The following UBR4 variants were observed in gnomAD, a reference collection of about 807,000 sequenced individuals.
UBR4 encodes ubiquitin protein ligase E3 component n-recognin 4, also known as E3 ubiquitin-protein ligase UBR4.
UBR4 carries 124 observed loss-of-function variants against 575.6 expected under a neutral mutation model. That is an observed-to-expected ratio of 0.22 (90% CI 0.19 to 0.25). UBR4 has a LOEUF of 0.25. Ranked by LOEUF, UBR4 falls within the 10% of genes least tolerant of loss-of-function variation. UBR4 has a pLI of 1.00. For missense variants in UBR4, 4,818 were observed against 6,478.8 expected (o/e 0.74, Z 8.80); for synonymous variants, 2,455 against 2,473.7 (o/e 0.99, Z 0.22).
rs771010424 is a variant in UBR4, at chr1:19,117,231, A to G, written c.10813T>C (p.Leu3605=). Residue 3605 remains leucine, a synonymous_variant, in exon 73 of 106, where the codon TTG becomes CTG. Transcript: ENST00000375254. This position sits in a 1 kb window ranked among gnomAD's most constrained non-coding sequence, Gnocchi z 4.0. ...NNRTVQAIVE[L]KNKPARWHKA... The stretch of plus-strand genomic sequence containing the variant: ...CTAAAAAGCCCGTACTTGTTTTTCA[A>G]CTCCACGATGGCCTGCACGGTTCGG... The G allele has an allele frequency of 6.2e-7, 1 of 1,611,034 alleles. No individual in the cohort carries two copies. The highest frequency in any genetic ancestry group is 8.5e-7 in the Non-Finnish European group (1 of 1,177,838).
intron 59 of UBR4, 64 bp from the exon 60 acceptor site, chr1:19,138,245 C>T: frequency 7.1e-7 from 1 of 1,408,910 alleles, no homozygotes; most frequent in Non-Finnish European, 9.3e-7. Context: ...CCAGTGCATT[C>T]TAAAGCAGCA....
At chr1:19,147,870 G>T (rs1382138987) in intron 51 of UBR4, 123 bp downstream of exon 51, 3 of 1,418,812 alleles carry the variant, frequency 2.1e-6, no homozygotes, top group East Asian at 4.7e-5. Context: ...GTAAAATGTA[G>T]GTCTAATCTG....
At chr1:19,187,595 A>G in intron 11 of UBR4, 55 bp from the exon 12 acceptor site, 4 of 1,569,496 alleles carry the variant, frequency 2.5e-6, no homozygotes, top group Non-Finnish European at 3.5e-6. Context: ...ATAAATTACA[A>G]CTTCTGAAGC....
At chr1:19,165,384 C>A (rs969972188) in intron 30 of UBR4, 35 bp from the exon 31 acceptor site, 1 of 1,531,284 alleles carries the variant, frequency 6.5e-7, no homozygotes, top group Admixed American at 1.7e-5. Flanking sequence ...TGGAAAGAAT[C>A]ACATTAAAGC....
At chr1:19,155,870 AC>A (rs2086371214) in intron 42 of UBR4, among the ~76,000 whole-genome samples, 2 of 152,350 alleles carry the variant, frequency 1.3e-5, no homozygotes, top group South Asian at 4.1e-4. Context: ...TAGGGGACAG[AC>A]ATACATAAAT....
intron 65 of UBR4, 154 bp downstream of exon 65, chr1:19,124,387 G>T: frequency 2.1e-6 from 2 of 952,380 alleles, no homozygotes; most frequent in Non-Finnish European, 3.0e-6. Flanking sequence ...CTACCACACA[G>T]TATGTTCCAG....
chr1:19,112,590 T>A lies in UBR4; in HGVS notation c.11735A>T (p.Tyr3912Phe). The A allele has an allele frequency of 6.2e-7, 1 of 1,614,262 alleles. No homozygotes were observed. Residue 3912 changes from tyrosine to phenylalanine, a missense_variant, in exon 78 of 106, where the codon TAT becomes TTT. By Grantham distance (22) the Tyr-to-Phe change is conservative. Coordinates refer to ENST00000375254, the MANE Select transcript of UBR4 (RefSeq NM_020765.3). Reference sequence around the variant, plus strand: ...GGCCGCAGCCCCTCGGCGAAGATTATAATCAAAGAGCTCCCGGATAAGGCC... The same window carrying A: ...GGCCGCAGCCCCTCGGCGAAGATTAAAATCAAAGAGCTCCCGGATAAGGCC... ...SQGLIRELFD[Y>F]NLRRGAAAMR...
rs1420655583 is a variant in UBR4, at chr1:19,126,517, G to C, written c.9367C>G (p.Gln3123Glu). 1 of 1,614,176 alleles carries C rather than the reference G, an allele frequency of 6.2e-7. No homozygotes were observed. Among genetic ancestry groups the C allele is most frequent in the South Asian group, 1.1e-5 (1 of 91,082 alleles). ...GAGGTAGTATGTGGTTTCAGCAACT[G>C]GCTGGTAGCCACAGGCTCCTCGTCA... Reference protein sequence around the residue: ...QNDEEPVATSQLLKPHTTSSP... With the variant: ...QNDEEPVATSELLKPHTTSSP... The change falls in exon 64 of 106, where the codon CAG (glutamine) becomes GAG (glutamate). Residue 3123 changes from glutamine (Q) to glutamate (E), a missense_variant. This residue lies in a region of UBR4 where 550 missense variants were observed against 791.5 expected (regional missense o/e 0.69). Coordinates refer to ENST00000375254, the MANE Select transcript of UBR4 (RefSeq NM_020765.3).
In UBR4 at chr1:19,169,380, A is replaced by G. The variant is rs2089136023; in HGVS notation, c.3741+55T>C. 6.0e-6 allele frequency: 9 copies of G among 1,500,556 alleles called. 1 individual carries two copies. In the East Asian group the frequency reaches 2.1e-4, roughly 35 times the overall value. 93.0% of individuals were successfully genotyped at this position (1,500,556 alleles called of 1,614,324 possible). ...CCTAATTCCTTTAGGCTTAAGAACA[A>G]AAGACAGAATGGCTAGCACTCAGTA... is the stretch of plus-strand genomic sequence containing the variant. On this transcript the variant is annotated intron_variant, in intron 27 of 105. Transcript: ENST00000375254.
At position 19,187,274 on chromosome 1, in the gene UBR4, C is replaced by A. The variant is rs781481587; in HGVS notation, c.1522G>T (p.Ala508Ser). Residue 508 changes from alanine to serine, a missense_variant, in exon 13 of 106, where the codon GCC becomes TCC. This residue lies in a region of UBR4 where 162 missense variants were observed against 216.4 expected (regional missense o/e 0.75). Transcript: ENST00000375254. Reference protein sequence around the residue: ...KGWETDGPPAALSIMAQSTSI... With the variant: ...KGWETDGPPASLSIMAQSTSI... The stretch of plus-strand genomic sequence containing the variant: ...GTGCTCTGGGCCATAATGCTCAAGG[C>A]TGCAGGGGGGCCATCTGTCTCCCAA... The A allele has an allele frequency of 2.5e-6, 4 of 1,613,734 alleles. No individual in the cohort carries two copies. The highest frequency in any genetic ancestry group is 2.2e-5 in the East Asian group (1 of 44,874).
chr1:19,168,924 G>A (rs939249715), intron 27 of UBR4, among the ~76,000 whole-genome samples: 16 of 150,040 alleles, frequency 1.1e-4, no homozygotes, highest in Admixed American at 2.7e-4. Context: ...CTTGCAGTGA[G>A]CCGAGATCAC....
Position 19,155,056 on chromosome 1 carries a change from G to A in UBR4, c.6320C>T (p.Ala2107Val), listed in dbSNP as rs753693372. 2.2e-5 allele frequency: 35 copies of A among 1,613,776 alleles called. 1 individual carries two copies. The highest frequency in any genetic ancestry group is 4.0e-5 in the African/African-American group (3 of 74,878). Residue 2107 changes from alanine to valine, a missense_variant, in exon 44 of 106, where the codon GCG becomes GTG. By Grantham distance (64) the Ala-to-Val change is moderately conservative (BLOSUM62 0). Around this residue, in one of 29 missense-constraint regions of UBR4, gnomAD observed 461 missense variants for 606.9 expected, o/e 0.76. Transcript: ENST00000375254. ...EDLKDSNSQV[A>V]GGGVSVYYSH... ...GTAGTACACGGACACACCACCGCCC[G>A]CCACCTGGCTGTTACTGTCCTGCTG...
chr1:19,187,029 TATAAA>T, intron 13 of UBR4, 130 bp downstream of exon 13: 1 of 722,738 alleles, frequency 1.4e-6, no homozygotes, highest in Non-Finnish European at 1.8e-6. Context: ...ACTTTGGGTC[TATAAA>T]GGTCATGGTG....
chr1:19,101,173 G>A (rs1339325860), intron 88 of UBR4, among the ~76,000 whole-genome samples: 2 of 152,164 alleles, frequency 1.3e-5, no homozygotes, highest in African/African-American at 4.8e-5. Context: ...AAGGAAGAGA[G>A]TAAAAATATC....
rs1396798559 is a variant in UBR4, at chr1:19,074,623, G to C, written c.*209C>G. On this transcript the variant is annotated 3_prime_UTR_variant, in exon 106 of 106. Transcript: ENST00000375254. The stretch of plus-strand genomic sequence containing the variant: ...TATGTACAGGCCCTTTGATGGCTTG[G>C]GTTACAGACAACCTCATAGCTGGTG... 8.2e-6 allele frequency: 5 copies of C among 609,410 alleles called. No homozygotes were observed. In the East Asian group the frequency reaches 8.5e-5, roughly 10 times the overall value. The allele number at this position is 609,410 out of a possible 1,614,324, so 37.8% of individuals were successfully genotyped here.
chr1:19,124,458 G>A (rs2081514184), intron 65 of UBR4, 83 bp downstream of exon 65: 1 of 1,547,576 alleles, frequency 6.5e-7, no homozygotes. Context: ...TACCAAGTAA[G>A]GATGAGGAAG....
intron 60 of UBR4, among the ~76,000 whole-genome samples, chr1:19,132,776 A>G (rs1437623995): frequency 1.3e-5 from 2 of 152,008 alleles, no homozygotes; most frequent in Admixed American, 1.3e-4. Flanking sequence ...TCAGAAATGA[A>G]AAAAAGCAAA....
chr1:19,122,811 T>C (rs542662461), intron 66 of UBR4, 22 bp downstream of exon 66: 1 of 1,613,966 alleles, frequency 6.2e-7, no homozygotes, highest in South Asian at 1.1e-5. Context: ...CTCCCTGCCC[T>C]ACCAGGTCCC....
At chr1:19,168,830 T>C (rs2088963735) in intron 27 of UBR4, among the ~76,000 whole-genome samples, 1 of 151,858 alleles carries the variant, frequency 6.6e-6, no homozygotes, top group Non-Finnish European at 1.5e-5. Context: ...ACAAAAAAAT[T>C]AGCTGGGCGT....
Sources: gnomAD v4.1 joint callset for allele counts (sites outside exome capture counted in the v4.1 genomes callset) on GRCh38, gnomAD v4.1.1 for gene constraint, gnomAD v4.1.1 regional missense constraint, Gnocchi (gnomAD v3.1) non-coding constraint, MANE v1.5 for transcripts, NCBI Gene and HGNC (gene_info 2026-07-23, HGNC 2026-07-21) for gene names.